Variants in CHML observed in about 807,000 individuals in gnomAD.
CHML encodes rab proteins geranylgeranyltransferase component A 2.
A neutral mutation model predicts 30.4 loss-of-function variants in CHML; 20 were observed. The ratio of observed to expected loss-of-function variants is 0.66; its 90% CI spans 0.46 to 0.95. CHML has a LOEUF of 0.95. CHML is among the 40% of genes least tolerant of loss of function. The pLI, the probability that CHML is intolerant of heterozygous loss-of-function variation, is 0.00. For synonymous variants in CHML, 281 were observed against 275.0 expected, an observed-to-expected ratio of 1.02 and a Z score of -0.22; for missense variants, 795 against 768.5, an observed-to-expected ratio of 1.03 and a Z score of -0.41.
rs1434927429 is a variant in CHML at position 241,631,745 on chromosome 1, T to C, written c.*2051A>G. 2 of 152,154 alleles carry C rather than the reference T, an allele frequency of 1.3e-5. No homozygotes were observed. Among genetic ancestry groups the C allele is most frequent in the Admixed American group, 6.5e-5 (1 of 15,270 alleles). The allele number at this position is 152,154 out of a possible 1,614,324, so 9.4% of individuals were successfully genotyped here. On this transcript the variant is annotated 3_prime_UTR_variant, in exon 2 of 2. Coordinates refer to ENST00000366553, the MANE Select transcript of CHML (RefSeq NM_001381853.1). ...GCTTCGAGATCCATGCTCTAAAATA[T>C]GTTTGTTTAGTTCATCTTATCTTCA...
intron 1 of CHML, chr1:241,639,356 T>G (rs1665023126): frequency 6.6e-6 from 1 of 152,210 alleles, no homozygotes; most frequent in Non-Finnish European, 1.5e-5. Flanking sequence ...GGTTTACAAG[T>G]ACTAATGAGA....
chr1:241,634,437 C>T lies in CHML; in HGVS notation c.1330G>A (p.Glu444Lys). The T allele has an allele frequency of 1.2e-6, 2 of 1,613,628 alleles. No individual in the cohort carries two copies. Among genetic ancestry groups the T allele is most frequent in the Middle Eastern group, 3.3e-4 (2 of 6,062 alleles). The change falls in exon 2 of 2, where the codon GAA (glutamate) becomes AAA (lysine). Residue 444 changes from glutamate (E) to lysine (K), a missense_variant. Coordinates refer to ENST00000366553, the MANE Select transcript of CHML (RefSeq NM_001381853.1). ...TTATACTGCACATTTGAGCATGTTTCCTCAGAAAGGTAACTGTCTTCCACA... is the reference window on the plus strand; with the variant it reads ...TTATACTGCACATTTGAGCATGTTTTCTCAGAAAGGTAACTGTCTTCCACA... ...FIVEDSYLSEETCSNVQYKQI... is the reference protein window; with the variant it reads ...FIVEDSYLSEKTCSNVQYKQI...
intron 1 of CHML, among the ~76,000 whole-genome samples, chr1:241,639,538 G>A (rs989509488): frequency 1.3e-5 from 2 of 151,892 alleles, no homozygotes; most frequent in African/African-American, 2.4e-5. Context: ...GTAAAAAGCC[G>A]TGGTTTCGTG....
intron 1 of CHML, among the ~76,000 whole-genome samples, chr1:241,638,483 C>A (rs1202330977): frequency 1.3e-5 from 2 of 152,236 alleles, no homozygotes; most frequent in African/African-American, 2.4e-5. Flanking sequence ...CACCTGTTGA[C>A]TACCCTGGAG....
In CHML at chr1:241,640,334, T is replaced by C. The variant is rs7513575; in HGVS notation, c.-760A>G. 731,790 of 1,074,706 alleles carry C rather than the reference T, an allele frequency of 0.68. 250,980 individuals carry two copies. Among genetic ancestry groups the C allele is most frequent in the African/African-American group, 0.88 (51,943 of 58,928 alleles). 66.6% of individuals were successfully genotyped at this position (1,074,706 alleles called of 1,614,324 possible). On this transcript the variant is annotated 5_prime_UTR_variant, in exon 1 of 2. Transcript: ENST00000366553. Reference sequence around the variant, plus strand: ...GCGGCGCGCTCCGCACTGGGTGGGGTTGGGGCTCCGCCGCCTGCTCTAGCC... The same window carrying C: ...GCGGCGCGCTCCGCACTGGGTGGGGCTGGGGCTCCGCCGCCTGCTCTAGCC...
In CHML at chr1:241,629,841, T is replaced by C. The variant is rs769889283; in HGVS notation, c.*3955A>G. ...TTGGCTTATTAATTTCAGTTAAACT[T>C]TCTACTTGGCACCACAGAATATTCA... On this transcript the variant is annotated 3_prime_UTR_variant, in exon 2 of 2. Transcript: ENST00000366553. 1.3e-5 allele frequency: 2 copies of C among 152,114 alleles called. No homozygotes were observed. The highest frequency in any genetic ancestry group is 2.9e-5 in the Non-Finnish European group (2 of 67,958). 9.4% of individuals were successfully genotyped at this position (152,114 alleles called of 1,614,324 possible).
chr1:241,637,274 A>G (rs1477073419), intron 1 of CHML, among the ~76,000 whole-genome samples: 1 of 152,214 alleles, frequency 6.6e-6, no homozygotes, highest in Non-Finnish European at 1.5e-5. Flanking sequence ...ATTCAATTGG[A>G]ACTTAGATTA....
At position 241,631,550 on chromosome 1, in the gene CHML, G is replaced by A. The variant is rs1381792271; in HGVS notation, c.*2246C>T. The A allele has an allele frequency of 2.7e-5, 4 of 148,874 alleles. No homozygotes were observed. The highest frequency in any genetic ancestry group is 5.9e-5 in the Non-Finnish European group (4 of 67,960). The allele number at this position is 148,874 out of a possible 1,614,324, so 9.2% of individuals were successfully genotyped here. A position where few individuals can be genotyped will look rare whatever the true frequency, so the allele number is the denominator to read the frequency against. On this transcript the variant is annotated 3_prime_UTR_variant, in exon 2 of 2. Transcript: ENST00000366553. ...ACAATCCATGACTTTGCTACTTTAA[G>A]TAAGTTGTCAATTACTTAAATCTGT...
chr1:241,634,532 T>C lies in CHML; in HGVS notation c.1235A>G (p.Asp412Gly), dbSNP rs1211572492. The C allele has an allele frequency of 6.8e-6, 11 of 1,613,868 alleles. No homozygotes were observed. The highest frequency in any genetic ancestry group is 1.1e-5 in the South Asian group (1 of 91,092). Reference protein sequence around the residue: ...LRHKVQCFVVDKESGRCKAII... With the variant: ...LRHKVQCFVVGKESGRCKAII... ...TGCTTTACATCGTCCAGATTCTTTGTCGACTACAAAGCATTGTACTTTATG... is the reference window on the plus strand; with the variant it reads ...TGCTTTACATCGTCCAGATTCTTTGCCGACTACAAAGCATTGTACTTTATG... Residue 412 changes from aspartate to glycine, a missense_variant, in exon 2 of 2, where the codon GAC (aspartate) becomes GGC (glycine). By Grantham distance (94) the Asp-to-Gly change is moderately conservative. Coordinates refer to ENST00000366553, the MANE Select transcript of CHML (RefSeq NM_001381853.1).
chr1:241,631,681 G>A lies in CHML; in HGVS notation c.*2115C>T, dbSNP rs1246716325. 1 of 152,092 alleles carries A rather than the reference G, an allele frequency of 6.6e-6. No individual in the cohort carries two copies. Among genetic ancestry groups the A allele is most frequent in the African/African-American group, 2.4e-5 (1 of 41,422 alleles). 9.4% of individuals were successfully genotyped at this position (152,092 alleles called of 1,614,324 possible). Reference sequence around the variant, plus strand: ...ACACAATCTTCAGATCATGAGATGTGTTACTGAAGAACATTTTGTTAAAAT... The same window carrying A: ...ACACAATCTTCAGATCATGAGATGTATTACTGAAGAACATTTTGTTAAAAT... On this transcript the variant is annotated 3_prime_UTR_variant, in exon 2 of 2. Coordinates refer to ENST00000366553, the MANE Select transcript of CHML (RefSeq NM_001381853.1).
chr1:241,636,023 G>T lies in CHML; in HGVS notation c.-257C>A. On this transcript the variant is annotated 5_prime_UTR_variant, in exon 2 of 2. An upstream open reading frame in the 5' UTR gains an earlier in-frame stop. Transcript: ENST00000366553. Reference sequence around the variant, plus strand: ...GGTTTCATTTCTGCATTTCATCTTAGCAGTAAATGTCAAAATGCATCATAT... The same window carrying T: ...GGTTTCATTTCTGCATTTCATCTTATCAGTAAATGTCAAAATGCATCATAT... 1 of 481,002 alleles carries T rather than the reference G, an allele frequency of 2.1e-6. No homozygotes were observed. 29.8% of individuals were successfully genotyped at this position (481,002 alleles called of 1,614,324 possible). A position where few individuals can be genotyped will look rare whatever the true frequency, so the allele number is the denominator to read the frequency against.
At chr1:241,637,827 C>T (rs531009738) in intron 1 of CHML, among the ~76,000 whole-genome samples, 1 of 152,330 alleles carries the variant, frequency 6.6e-6, no homozygotes, top group Admixed American at 6.5e-5. Flanking sequence ...CTTGTGCCAT[C>T]AGACCAATGG....
Position 241,633,431 on chromosome 1 carries a change from T to C in CHML, c.*365A>G, listed in dbSNP as rs1201373553. ...AAAAGTAATTAAAATATTACTTGGG[T>C]ATTACTAATTGTTCTGTAGACAAAG... On this transcript the variant is annotated 3_prime_UTR_variant, in exon 2 of 2. Coordinates refer to ENST00000366553, the MANE Select transcript of CHML (RefSeq NM_001381853.1). 1 of 189,522 alleles carries C rather than the reference T, an allele frequency of 5.3e-6. No homozygotes were observed. The highest frequency in any genetic ancestry group is 1.6e-4 in the East Asian group (1 of 6,146). 11.7% of individuals were successfully genotyped at this position (189,522 alleles called of 1,614,324 possible).
intron 1 of CHML, among the ~76,000 whole-genome samples, chr1:241,639,624 C>T (rs1665033768): frequency 6.6e-6 from 1 of 151,022 alleles, no homozygotes; most frequent in African/African-American, 2.4e-5. Context: ...ACGTGGGGGG[C>T]AGATGAGAGA....
rs369233646 is a variant in CHML, at chr1:241,630,155, T to C, written c.*3641A>G. 6.6e-6 allele frequency: 1 copy of C among 152,038 alleles called. No individual in the cohort carries two copies. Among genetic ancestry groups the C allele is most frequent in the Non-Finnish European group, 1.5e-5 (1 of 67,932 alleles). The allele number at this position is 152,038 out of a possible 1,614,324, so 9.4% of individuals were successfully genotyped here. ...TATTTCTCTTCTGTAGATGGTGAAA[T>C]AGATACTAGGAGTGACTTTCCCAAG... On this transcript the variant is annotated 3_prime_UTR_variant, in exon 2 of 2. Coordinates refer to ENST00000366553, the MANE Select transcript of CHML (RefSeq NM_001381853.1).
rs749809053 is a variant in CHML, at chr1:241,635,590, C to T, written c.177G>A (p.Leu59=). The T allele has an allele frequency of 7.4e-6, 12 of 1,614,094 alleles. No homozygotes were observed. The highest frequency in any genetic ancestry group is 5.5e-5 in the South Asian group (5 of 91,084). Residue 59 remains leucine (L), a synonymous_variant, in exon 2 of 2, where the codon TTG becomes TTA. Transcript: ENST00000366553. ...TGTCATTGTTTTGCTGATACTCCTT[C>T]AACCAGGATAGCAATCCTGAAAAGC... ...SFSFSGLLSW[L]KEYQQNNDIG...
At chr1:241,638,776 ATCAT>A (rs1006811758) in intron 1 of CHML, among the ~76,000 whole-genome samples, 8 of 152,338 alleles carry the variant, frequency 5.3e-5, no homozygotes, top group African/African-American at 1.9e-4. Context: ...CAAAAAATGA[ATCAT>A]TACAAATATA....
At position 241,635,281 on chromosome 1, in the gene CHML, A is replaced by G. The variant is rs1410824836; in HGVS notation, c.486T>C (p.Asp162=). Residue 162 remains aspartate, a synonymous_variant, in exon 2 of 2, where the codon GAT becomes GAC. Transcript: ENST00000366553. ...EMPAKHTQKS[D]TEISLEVTDV... ...CAGTTACTTCTAGTGAAATCTCTGT[A>G]TCACTTTTCTGAGTGTGTTTTGCAG... 1.2e-6 allele frequency: 2 copies of G among 1,613,996 alleles called. No individual in the cohort carries two copies. The highest frequency in any genetic ancestry group is 3.3e-5 in the Admixed American group (2 of 60,022).
intron 1 of CHML, among the ~76,000 whole-genome samples, 191 bp downstream of exon 1, chr1:241,639,691 G>A (rs1484414786): frequency 6.7e-6 from 1 of 148,832 alleles, no homozygotes; most frequent in African/African-American, 2.5e-5. Flanking sequence ...GAAGAGGAAG[G>A]CACCCGCCAT....
Sources: allele counts gnomAD v4.1 joint callset (sites outside exome capture counted in the v4.1 genomes callset), GRCh38; gene constraint gnomAD v4.1.1; transcripts MANE v1.5; gene names NCBI Gene and HGNC (gene_info 2026-07-23, HGNC 2026-07-21).